DPY19L4: variants seen among roughly 807,000 people sequenced by gnomAD.
DPY19L4 encodes dpy-19 like 4.
In DPY19L4, 97 loss-of-function variants were observed where a neutral mutation model predicts 102.8. The observed-to-expected ratio is 0.94, with a 90% CI of 0.80 to 1.12. The LOEUF is 1.12. DPY19L4 is among the 50% of genes most tolerant of loss of function. The pLI is 0.00. For missense variants in DPY19L4, 815 were observed against 850.4 expected, an observed-to-expected ratio of 0.96 and a Z score of 0.52; for synonymous variants, 252 against 283.1, an observed-to-expected ratio of 0.89 and a Z score of 1.10.
At chr8:94,786,692 T>G (rs1441814599) in intron 17 of DPY19L4, among the ~76,000 whole-genome samples, 3 of 151,968 alleles carry the variant, frequency 2.0e-5, no homozygotes, top group African/African-American at 7.3e-5. Flanking sequence ...GGACTACTGG[T>G]GCATGCCACC....
intron 2 of DPY19L4, among the ~76,000 whole-genome samples, chr8:94,732,511 G>A (rs1302499207): frequency 2.6e-5 from 4 of 152,092 alleles, no homozygotes; most frequent in African/African-American, 9.7e-5. Flanking sequence ...GGGCAACATA[G>A]CAAGAATCCT....
chr8:94,725,363 G>A (rs946204963), intron 1 of DPY19L4, among the ~76,000 whole-genome samples: 3 of 152,192 alleles, frequency 2.0e-5, no homozygotes. Context: ...ATTGTATATA[G>A]TACATTCCTG....
intron 18 of DPY19L4, among the ~76,000 whole-genome samples, chr8:94,788,363 TTGAA>T (rs1466901689): frequency 6.6e-6 from 1 of 152,056 alleles, no homozygotes; most frequent in African/African-American, 2.4e-5. Flanking sequence ...ATAATTTGAT[TTGAA>T]TGATGATTTT....
chr8:94,774,941 T>C (rs978074196), intron 13 of DPY19L4, among the ~76,000 whole-genome samples: 3 of 152,114 alleles, frequency 2.0e-5, no homozygotes, highest in African/African-American at 7.2e-5. Flanking sequence ...TCCTGTAGTG[T>C]TTATCTTTTT....
At chr8:94,723,540 A>T (rs996864572) in intron 1 of DPY19L4, among the ~76,000 whole-genome samples, 20 of 151,552 alleles carry the variant, frequency 1.3e-4, no homozygotes, top group Admixed American at 9.2e-4. Context: ...GTCAGAACTG[A>T]TAATCTCATT....
At chr8:94,763,392 G>A (rs1354428245) in intron 8 of DPY19L4, among the ~76,000 whole-genome samples, 2 of 151,234 alleles carry the variant, frequency 1.3e-5, no homozygotes, top group African/African-American at 4.9e-5. Context: ...CCAGGCTGGA[G>A]TGCAGTGGCT....
Position 94,780,425 on chromosome 8 carries a change from T to C in DPY19L4, c.1632+10T>C. 1 of 1,433,178 alleles carries C rather than the reference T, an allele frequency of 7.0e-7. No homozygotes were observed. The highest frequency in any genetic ancestry group is 2.4e-5 in the East Asian group (1 of 41,900). 88.8% of individuals were successfully genotyped at this position (1,433,178 alleles called of 1,614,324 possible). The stretch of plus-strand genomic sequence containing the variant: ...CAGCTTATGGAAAGAGGTAAAAAAA[T>C]TAGATTTTTATATTAATAAAATGTA... On this transcript the variant is annotated intron_variant, in intron 15 of 18. Transcript: ENST00000414645.
chr8:94,781,056 A>ATT (rs36116205), intron 15 of DPY19L4, 28 bp from the exon 16 acceptor site: 28,052 of 1,195,362 alleles, frequency 0.023, 44 homozygotes, highest in African/African-American at 0.041. Context: ...TCTTTTGGGG[A>ATT]TTTTTTTTTT....
chr8:94,745,601 A>G (rs1257334895), intron 6 of DPY19L4, among the ~76,000 whole-genome samples: 1 of 152,124 alleles, frequency 6.6e-6, no homozygotes, highest in African/African-American at 2.4e-5. Context: ...TTCTGTGGTG[A>G]TGATGTTGGT....
chr8:94,789,598 G>T, intron 18 of DPY19L4, 148 bp from the exon 19 acceptor site: 1 of 653,140 alleles, frequency 1.5e-6, no homozygotes, highest in Non-Finnish European at 2.4e-6. Flanking sequence ...TATGAAGAAG[G>T]CTTCTATTTG....
In DPY19L4 at chr8:94,787,927, G is replaced by A. The variant is rs766949233; in HGVS notation, c.1882G>A (p.Asp628Asn). 4 of 1,456,632 alleles carry A rather than the reference G, an allele frequency of 2.7e-6. No individual in the cohort carries two copies. In the Admixed American group the frequency reaches 6.8e-5, roughly 25 times the overall value. The allele number at this position is 1,456,632 out of a possible 1,614,324, so 90.2% of individuals were successfully genotyped here. A position where few individuals can be genotyped will look rare whatever the true frequency, so the allele number is the denominator to read the frequency against. The change falls in exon 18 of 19, where the codon GAT becomes AAT. Residue 628 changes from aspartate to asparagine, a missense_variant. By Grantham distance (23) the Asp-to-Asn change is conservative. Coordinates refer to ENST00000414645, the MANE Select transcript of DPY19L4 (RefSeq NM_181787.3). ...AATCTATTCAAAGCGATCTGCTGAG[G>A]ATATTTATAAAATACTGACATCTTA... ...YQIYSKRSAE[D>N]IYKILTSYKA...
intron 2 of DPY19L4, among the ~76,000 whole-genome samples, chr8:94,729,787 C>T (rs540225121): frequency 2.5e-4 from 36 of 142,592 alleles, no homozygotes; most frequent in Middle Eastern, 4.4e-3. Flanking sequence ...GCCAGGATCA[C>T]GCCACTGCAC....
At chr8:94,766,910 A>C (rs995644373) in intron 11 of DPY19L4, among the ~76,000 whole-genome samples, 4 of 151,710 alleles carry the variant, frequency 2.6e-5, no homozygotes, top group Non-Finnish European at 4.4e-5. Flanking sequence ...ACAAACAAAA[A>C]ACAAAAAAAA....
intron 2 of DPY19L4, among the ~76,000 whole-genome samples, chr8:94,734,410 C>G (rs954843669): frequency 2.6e-5 from 4 of 152,116 alleles, no homozygotes; most frequent in Admixed American, 1.3e-4. Flanking sequence ...CTCCTCTTGG[C>G]TTTGATACTT....
intron 12 of DPY19L4, among the ~76,000 whole-genome samples, 178 bp downstream of exon 12, chr8:94,768,731 T>C (rs941217833): frequency 6.6e-6 from 1 of 152,134 alleles, no homozygotes; most frequent in Non-Finnish European, 1.5e-5. Context: ...CGGTGGCTCA[T>C]GCCTATAATC....
intron 10 of DPY19L4, 74 bp downstream of exon 10, chr8:94,765,883 A>G: frequency 1.0e-6 from 1 of 965,392 alleles, no homozygotes. Flanking sequence ...TTTTAATGAG[A>G]ATAATGAGAT....
chr8:94,768,550 TTAAG>T lies in DPY19L4; in HGVS notation c.1334+4_1334+7del, dbSNP rs752939071. ...ATGTTGCAAGTTATTTTTAGGAGGA[TTAAG>T]TAAGTACCTATGAGAATCAATCATA... On this transcript the variant is annotated splice_donor_variant and coding_sequence_variant, in exon 12 of 19. Transcript: ENST00000414645. LOFTEE classifies it high-confidence loss of function. The T allele has an allele frequency of 4.1e-6, 6 of 1,469,184 alleles. No individual in the cohort carries two copies. The highest frequency in any genetic ancestry group is 3.8e-5 in the Admixed American group (2 of 52,232). The allele number at this position is 1,469,184 out of a possible 1,614,324, so 91.0% of individuals were successfully genotyped here.
Position 94,786,335 on chromosome 8 carries a change from G to A in DPY19L4, c.1849-1559G>A, listed in dbSNP as rs190576465. 2.3e-3 allele frequency among the ~76,000 whole-genome samples: 351 copies of A among 152,146 alleles called. 1 individual carries two copies. Among genetic ancestry groups the A allele is most frequent in the Admixed American group, 3.7e-3 (56 of 15,278 alleles). On this transcript the variant is annotated intron_variant, in intron 17 of 18. Coordinates refer to ENST00000414645, the MANE Select transcript of DPY19L4 (RefSeq NM_181787.3). ...AGACAGGGTTTCATCATGTTGCCCA[G>A]GCTGGTCTTGAACTCCTGAGCTCAG...
intron 12 of DPY19L4, among the ~76,000 whole-genome samples, chr8:94,769,062 G>GGT (rs1365146563): frequency 3.1e-5 from 4 of 127,218 alleles, no homozygotes; most frequent in Middle Eastern, 4.1e-3. Flanking sequence ...TAGTTTTTTT[G>GGT]TTTTTTTTTT....
Sources: gnomAD v4.1 joint callset for allele counts (sites outside exome capture counted in the v4.1 genomes callset) on GRCh38, gnomAD v4.1.1 for gene constraint, MANE v1.5 for transcripts, NCBI Gene and HGNC (gene_info 2026-07-23, HGNC 2026-07-21) for gene names.